Variants in PNCK observed in about 807,000 individuals in gnomAD.
PNCK encodes calcium/calmodulin-dependent protein kinase type 1B.
In PNCK, 21 loss-of-function variants were observed where a neutral mutation model predicts 28.3. The ratio of observed to expected loss-of-function variants is 0.74; its 90% CI spans 0.53 to 1.07. The LOEUF is 1.07. Ranked by LOEUF, PNCK falls within the 50% of genes least tolerant of loss-of-function variation. The pLI, the probability that PNCK is intolerant of heterozygous loss-of-function variation, is 0.00. For synonymous variants in PNCK, 136 were observed against 125.2 expected, an observed-to-expected ratio of 1.09 and a Z score of -0.58; for missense variants, 250 against 298.3, an observed-to-expected ratio of 0.84 and a Z score of 1.19.
intron 1 of PNCK, chrX:153,673,425 G>T (rs62594767): frequency 1.9e-3 from 1,197 of 623,057 alleles, no homozygotes; most frequent in Non-Finnish European, 1.9e-3. Context: ...CATCTACAGC[G>T]CCCAAGCCCC....
At chrX:153,685,255 C>G (rs1400048300) in intron 1 of PNCK, among the ~76,000 whole-genome samples, 1 of 111,152 alleles carries the variant, frequency 9.0e-6, no homozygotes, top group African/African-American at 3.3e-5. Flanking sequence ...AGCCCGAGAA[C>G]GCTTTGAAGC....
intron 7 of PNCK, 25 bp downstream of exon 7, chrX:153,671,260 A>G (rs1234919850): frequency 9.1e-6 from 11 of 1,206,283 alleles, no homozygotes; most frequent in Non-Finnish European, 1.2e-5. Context: ...CAGGCAGGAG[A>G]CAAGCCTTCC....
chrX:153,670,386 G>T, intron 11 of PNCK, 64 bp downstream of exon 11: 2 of 1,193,351 alleles, frequency 1.7e-6, no homozygotes, highest in Non-Finnish European at 2.3e-6. Flanking sequence ...CACATGGAGC[G>T]CCACCACCCT....
At chrX:153,673,168 C>T (rs1557040755) in intron 1 of PNCK, 90 bp from the exon 2 acceptor site, 2 of 1,181,183 alleles carry the variant, frequency 1.7e-6, no homozygotes, top group Non-Finnish European at 2.3e-6. Flanking sequence ...CCAGGCAGGC[C>T]TCAGCCATTG....
upstream of PNCK, among the ~76,000 whole-genome samples, chrX:153,679,566 C>CTTTTTTTTT (rs1211891003): frequency 2.2e-4 from 10 of 46,069 alleles, no homozygotes; most frequent in Admixed American, 5.2e-4. Context: ...CTTTTCTTTT[C>CTTTTTTTTT]TTTTTTTTTT....
At position 153,669,982 on chromosome X, in the gene PNCK, G is replaced by GC. The variant is rs1257561184; in HGVS notation, c.*155dup. 6.4e-6 allele frequency: 2 copies of GC among 312,712 alleles called. No homozygotes were observed. Among genetic ancestry groups the GC allele is most frequent in the African/African-American group, 5.4e-5 (2 of 36,919 alleles). 25.8% of individuals were successfully genotyped at this position (312,712 alleles called of 1,213,427 possible). ...AGAGCCTGGGGACAGACTTGGGGGTGCCCCATTCCAACCCCAGCGCCATGC... is the reference window on the plus strand; with the variant it reads ...AGAGCCTGGGGACAGACTTGGGGGTGCCCCCATTCCAACCCCAGCGCCATGC... On this transcript the variant is annotated 3_prime_UTR_variant, in exon 12 of 12. Coordinates refer to ENST00000340888, the MANE Select transcript of PNCK (RefSeq NM_001366977.1).
intron 5 of PNCK, 43 bp from the exon 6 acceptor site, chrX:153,671,715 C>T (rs782682655): frequency 4.2e-5 from 49 of 1,167,481 alleles, no homozygotes; most frequent in Non-Finnish European, 5.2e-5. Context: ...TCAGTCCTGA[C>T]GCGGTGCCGG....
upstream of PNCK, among the ~76,000 whole-genome samples, chrX:153,678,228 G>A (rs1234186468): frequency 9.1e-6 from 1 of 110,150 alleles, no homozygotes; most frequent in African/African-American, 3.3e-5. Context: ...TGAGGCAGAT[G>A]GATCATCTGA....
Position 153,670,956 on chromosome X carries a change from C to A in PNCK, c.768G>T (p.Gln256His), listed in dbSNP as rs2091289692. Reference protein sequence around the residue: ...FIRHLLERDPQKRFTCQQALR... With the variant: ...FIRHLLERDPHKRFTCQQALR... ...AGGCCTGTTGGCAGGTGAACCTCTT[C>A]TGGGGGTCTCGCTCCAGAAGGTGCC... Residue 256 changes from glutamine (Q) to histidine (H), a missense_variant, in exon 9 of 12, where the codon CAG becomes CAT. By Grantham distance (24) the Gln-to-His change is conservative. Transcript: ENST00000340888. 5.0e-6 allele frequency: 6 copies of A among 1,210,813 alleles called. No homozygotes were observed. The Admixed American group carries it at 1.3e-4, about 26-fold the overall frequency.
rs1037654518 is a variant in PNCK at position 153,673,151 on chromosome X, C to A, written c.-2-73G>T. 8.5e-6 allele frequency: 10 copies of A among 1,171,326 alleles called. No homozygotes were observed. The East Asian group carries it at 2.5e-4, about 29-fold the overall frequency. ...GGGGCAAGGGCAGCTTCCTCCTCCA[C>A]CCCCTGCCAGGCAGGCCTCAGCCAT... On this transcript the variant is annotated intron_variant, in intron 1 of 11. Transcript: ENST00000340888.
In PNCK at chrX:153,670,557, C is replaced by T. The variant is rs782337569; in HGVS notation, c.932G>A (p.Arg311Gln). 1.2e-5 allele frequency: 15 copies of T among 1,211,044 alleles called. No homozygotes were observed. In the South Asian group the frequency reaches 1.9e-4, roughly 16 times the overall value. Residue 311 changes from arginine to glutamine, a missense_variant, in exon 11 of 12, where the codon CGG becomes CAG. Arg to Gln is a conservative substitution (Grantham distance 43). Transcript: ENST00000340888. The part of the protein sequence containing the change: ...FNATSFLRHI[R>Q]KLGQIPEGEG... The stretch of plus-strand genomic sequence containing the variant: ...GCCCTCTGGGATCTGCCCCAGCTTC[C>T]GGATGTGGCGCAGGAACGAGGTGGC...
In PNCK at chrX:153,670,488, C is replaced by T; in HGVS notation, c.1001G>A (p.Gly334Asp). ...CTTGGGGGGCTGGCCAGCACGGAGG[C>T]CTGAGTGGCTGTGGCGGGCCATGCC... ...EQGMARHSHSGLRAGQPPKW is the reference protein window; with the variant it reads ...EQGMARHSHSDLRAGQPPKW The change falls in exon 11 of 12, where the codon GGC (glycine) becomes GAC (aspartate). Residue 334 changes from glycine (G) to aspartate (D), a missense_variant. Physicochemically the swap from Gly to Asp is moderately conservative, Grantham distance 94 (BLOSUM62 -1). Coordinates refer to ENST00000340888, the MANE Select transcript of PNCK (RefSeq NM_001366977.1). The T allele has an allele frequency of 8.3e-7, 1 of 1,211,409 alleles. No homozygotes were observed. Among genetic ancestry groups the T allele is most frequent in the Non-Finnish European group, 1.1e-6 (1 of 895,486 alleles).
In PNCK at chrX:153,671,470, G is replaced by C. The variant is rs374342799; in HGVS notation, c.538+79C>G. On this transcript the variant is annotated intron_variant, in intron 6 of 11. Transcript: ENST00000340888. Reference sequence around the variant, plus strand: ...CAGGAATGGCCCACACAAAGGCAACGGGCACAACAGCCTTCCCGGCTGTCT... The same window carrying C: ...CAGGAATGGCCCACACAAAGGCAACCGGCACAACAGCCTTCCCGGCTGTCT... The C allele has an allele frequency of 2.1e-5, 25 of 1,209,329 alleles. No individual in the cohort carries two copies. In the Admixed American group the frequency reaches 4.4e-4, roughly 21 times the overall value.
upstream of PNCK, among the ~76,000 whole-genome samples, chrX:153,678,806 C>T (rs2091381483): frequency 9.1e-6 from 1 of 109,461 alleles, no homozygotes; most frequent in South Asian, 4.0e-4. Context: ...CTCTCTCAGA[C>T]CCCTGGCAAC....
chrX:153,670,236 T>TC (rs1218445611), intron 11 of PNCK, 106 bp from the exon 12 acceptor site: 2 of 486,423 alleles, frequency 4.1e-6, no homozygotes, highest in African/African-American at 4.9e-5. Context: ...AGAGGCCCTC[T>TC]CCCCCTGCAC....
chrX:153,683,281 C>CA (rs1193099115), intron 1 of PNCK, among the ~76,000 whole-genome samples: 2 of 110,641 alleles, frequency 1.8e-5, no homozygotes, highest in Admixed American at 1.9e-4. Context: ...GCTGGGATTA[C>CA]AGGCCCGTGC....
intron 1 of PNCK, among the ~76,000 whole-genome samples, chrX:153,680,749 G>T (rs2091391543): frequency 9.1e-6 from 1 of 109,909 alleles, no homozygotes; most frequent in African/African-American, 3.3e-5. Context: ...AGCCTTCAGG[G>T]CTGGGCGCGG....
chrX:153,677,230 G>A (rs782801535), upstream of PNCK, among the ~76,000 whole-genome samples: 7 of 111,742 alleles, frequency 6.3e-5, no homozygotes, highest in Middle Eastern at 4.6e-3. Flanking sequence ...GAGCCACCGC[G>A]CCCAGCCACC....
At chrX:153,677,707 TATATATAGTGC>T (rs1557041890), upstream of PNCK, among the ~76,000 whole-genome samples, 1 of 97,048 alleles carries the variant, frequency 1.0e-5, no homozygotes, top group African/African-American at 4.4e-5. Context: ...AGTGTGTGTA[TATATATAGTGC>T]ATATATATAG....
Sources: gnomAD v4.1 joint callset for allele counts (sites outside exome capture counted in the v4.1 genomes callset) on GRCh38, gnomAD v4.1.1 for gene constraint, MANE v1.5 for transcripts, NCBI Gene and HGNC (gene_info 2026-07-23, HGNC 2026-07-21) for gene names.